TTK: variants seen among roughly 807,000 people sequenced by gnomAD.
TTK encodes TTK protein kinase, also known as dual specificity protein kinase TTK.
In TTK, 59 loss-of-function variants were observed where a neutral mutation model predicts 117.3. That is an observed-to-expected ratio of 0.50 (90% CI 0.41 to 0.62). The LOEUF is 0.62. TTK is among the 20% of genes least tolerant of loss of function. The probability of loss-of-function intolerance (pLI) is 0.00; values close to 1 mark genes in which losing one functional copy is unlikely to be tolerated. For synonymous variants in TTK, 302 were observed against 325.0 expected (o/e 0.93, Z 0.76); for missense variants, 921 against 989.4 (o/e 0.93, Z 0.93).
intron 4 of TTK, among the ~76,000 whole-genome samples, chr6:80,009,768 G>A (rs755126087): frequency 6.6e-6 from 1 of 152,000 alleles, no homozygotes; most frequent in African/African-American, 2.4e-5. Context: ...TGATGGCTTG[G>A]CTGTCAGGAA....
At chr6:80,012,025 G>T in intron 8 of TTK, 45 bp downstream of exon 8, 1 of 1,492,946 alleles carries the variant, frequency 6.7e-7, no homozygotes, top group Non-Finnish European at 9.1e-7. Flanking sequence ...CGTATGGGAA[G>T]ATTAATGGCA....
chr6:80,006,164 G>T, intron 2 of TTK, 182 bp downstream of exon 2: 1 of 716,830 alleles, frequency 1.4e-6, no homozygotes, highest in South Asian at 1.5e-5. Context: ...TTTGAATGGT[G>T]TCTGGCACAT....
rs1251084014 is a variant in TTK at position 80,026,498 on chromosome 6, G to A, written c.1378G>A (p.Asp460Asn). The change falls in exon 12 of 22, where the codon GAT (aspartate) becomes AAT (asparagine). Residue 460 changes from aspartate (D) to asparagine (N), a missense_variant. Physicochemically the swap from Asp to Asn is conservative, Grantham distance 23. Transcript: ENST00000369798. ...ICKTPSSNTL[D>N]DYMSCFRTPV... The stretch of plus-strand genomic sequence containing the variant: ...TAAGACACCAAGCAGCAATACCTTG[G>A]ATGATTACATGAGCTGGTAATTACT... 3 of 1,613,682 alleles carry A rather than the reference G, an allele frequency of 1.9e-6. No homozygotes were observed. Among genetic ancestry groups the A allele is most frequent in the Admixed American group, 1.7e-5 (1 of 59,998 alleles).
intron 18 of TTK, 71 bp downstream of exon 18, chr6:80,038,118 TACC>T (rs1767955383): frequency 1.8e-6 from 2 of 1,087,114 alleles, no homozygotes; most frequent in Non-Finnish European, 2.6e-6. Flanking sequence ...TGAATAAACT[TACC>T]AGATAACAAT....
At chr6:80,020,878 C>T (rs1229559853) in intron 10 of TTK, among the ~76,000 whole-genome samples, 1 of 152,208 alleles carries the variant, frequency 6.6e-6, no homozygotes, top group African/African-American at 2.4e-5. Context: ...AACAGAGACA[C>T]AAATACAGGC....
chr6:80,013,530 A>G, intron 9 of TTK, 164 bp downstream of exon 9: 2 of 546,796 alleles, frequency 3.7e-6, no homozygotes, highest in Non-Finnish European at 3.2e-6. Context: ...AAGTTGGTGC[A>G]GAAGTCCTAG....
At chr6:80,005,129 T>C (rs1023074498) in intron 1 of TTK, among the ~76,000 whole-genome samples, 9 of 152,184 alleles carry the variant, frequency 5.9e-5, no homozygotes, top group African/African-American at 2.2e-4. Context: ...CTTTTTTTCA[T>C]TGTTAAACCT....
At chr6:80,032,048 C>T (rs1267974371) in intron 14 of TTK, among the ~76,000 whole-genome samples, 7 of 152,092 alleles carry the variant, frequency 4.6e-5, no homozygotes, top group South Asian at 4.1e-4. Context: ...AAATTTATAT[C>T]GTTTTACATC....
Position 80,031,473 on chromosome 6 carries a change from G to T in TTK, c.1528G>T (p.Ala510Ser), listed in dbSNP as rs1767757556. 1 of 1,497,072 alleles carries T rather than the reference G, an allele frequency of 6.7e-7. No homozygotes were observed. Among genetic ancestry groups the T allele is most frequent in the Admixed American group, 2.4e-5 (1 of 42,010 alleles). 92.7% of individuals were successfully genotyped at this position (1,497,072 alleles called of 1,614,324 possible). Residue 510 changes from alanine (A) to serine (S), a missense_variant, in exon 14 of 22, where the codon GCA (alanine) becomes TCA (serine). By Grantham distance (99) the Ala-to-Ser change is moderately conservative (BLOSUM62 1). Transcript: ENST00000369798. ...ATPLQNLQVLASSSANECISV... is the reference protein window; with the variant it reads ...ATPLQNLQVLSSSSANECISV... ...ATATATTTTACTTATTTAGGTTTTA[G>T]CATCTTCTTCAGCAAATGAATGCAT...
At chr6:80,039,488 G>A (rs1478258661) in intron 18 of TTK, among the ~76,000 whole-genome samples, 3 of 151,850 alleles carry the variant, frequency 2.0e-5, no homozygotes, top group African/African-American at 7.2e-5. Context: ...TGAGGTTATA[G>A]AAAGATTTAA....
rs3049166 is a variant in TTK at position 80,008,929 on chromosome 6, CTGTGTGTGTGTG to C, written c.469+465_469+476del. 3.9e-3 allele frequency among the ~76,000 whole-genome samples: 552 copies of C among 142,402 alleles called. 9 individuals carry two copies. The highest frequency in any genetic ancestry group is 0.012 in the African/African-American group (482 of 38,656). The allele number at this position is 142,402 out of a possible 152,430, so 93.4% of individuals were successfully genotyped here. ...CTTGGTGGTCAAGTAAACTATATAT[CTGTGTGTGTGTG>C]TGTGTGTGTGTGTGTGTGTGTGTGT... On this transcript the variant is annotated intron_variant, in intron 4 of 21. Coordinates refer to ENST00000369798, the MANE Select transcript of TTK (RefSeq NM_003318.5).
chr6:80,013,517 G>A (rs1177645314), intron 9 of TTK, 151 bp downstream of exon 9: 3 of 592,182 alleles, frequency 5.1e-6, no homozygotes, highest in African/African-American at 2.0e-5. Context: ...GACTACGAGT[G>A]GGAAGTTGGT....
At chr6:80,027,236 A>G (rs1767630847) in intron 12 of TTK, among the ~76,000 whole-genome samples, 1 of 152,128 alleles carries the variant, frequency 6.6e-6, no homozygotes, top group African/African-American at 2.4e-5. Context: ...AGATTTTATA[A>G]CCCAGCCTCT....
intron 10 of TTK, among the ~76,000 whole-genome samples, chr6:80,019,312 G>C (rs1250530907): frequency 6.6e-6 from 1 of 152,148 alleles, no homozygotes; most frequent in Non-Finnish European, 1.5e-5. Context: ...GTGATGAAAG[G>C]AAAGCAATTT....
intron 9 of TTK, 180 bp downstream of exon 9, chr6:80,013,546 G>A: frequency 2.1e-6 from 1 of 475,928 alleles, no homozygotes; most frequent in Non-Finnish European, 3.7e-6. Context: ...CCTAGACTAT[G>A]TTTCTCCAAG....
At chr6:80,014,313 T>A in intron 9 of TTK, 150 bp from the exon 10 acceptor site, 1 of 555,544 alleles carries the variant, frequency 1.8e-6, no homozygotes, top group South Asian at 7.2e-5. Context: ...GCAGTTAACC[T>A]TTGCTGGGGG....
At chr6:80,011,390 T>G (rs1337805170) in intron 5 of TTK, 44 bp from the exon 6 acceptor site, 1 of 1,336,034 alleles carries the variant, frequency 7.5e-7, no homozygotes, top group South Asian at 1.4e-5. Context: ...TTTGTACTTG[T>G]CTTATTTCTT....
chr6:80,037,401 A>G (rs981420548), intron 17 of TTK, among the ~76,000 whole-genome samples: 1 of 152,104 alleles, frequency 6.6e-6, no homozygotes, highest in Non-Finnish European at 1.5e-5. Context: ...CAAACCATGT[A>G]TTTTAGAAGA....
At chr6:80,008,302 T>G (rs1767049651) in intron 3 of TTK, 84 bp from the exon 4 acceptor site, 1 of 1,371,396 alleles carries the variant, frequency 7.3e-7, no homozygotes, top group Admixed American at 2.3e-5. Context: ...TATCCCATGT[T>G]TTTTGGAAAA....
Sources: gnomAD v4.1 joint callset for allele counts (sites outside exome capture counted in the v4.1 genomes callset) on GRCh38, gnomAD v4.1.1 for gene constraint, MANE v1.5 for transcripts, NCBI Gene and HGNC (gene_info 2026-07-23, HGNC 2026-07-21) for gene names.